The following DSCAM variants were observed in gnomAD, a reference collection of about 807,000 sequenced individuals.
DSCAM encodes the protein cell adhesion molecule DSCAM.
Under a neutral mutation model 217.7 loss-of-function variants are expected in DSCAM, and 47 were observed. The ratio of observed to expected loss-of-function variants is 0.22; its 90% CI spans 0.17 to 0.28. The LOEUF (loss-of-function observed/expected upper bound fraction) is 0.28, where lower values mean the gene tolerates loss of function less well. DSCAM is among the 10% of genes least tolerant of loss of function. The probability of loss-of-function intolerance (pLI) is 1.00; values close to 1 mark genes in which losing one functional copy is unlikely to be tolerated. For synonymous variants in DSCAM, 1,056 were observed against 1,015.3 expected (o/e 1.04, Z -0.76); for missense variants, 2,080 against 2,618.3 (o/e 0.79, Z 4.49).
intron 11 of DSCAM, among the ~76,000 whole-genome samples, chr21:40,203,557 G>C (rs1601437537): frequency 6.6e-6 from 1 of 152,232 alleles, no homozygotes; most frequent in Non-Finnish European, 1.5e-5. Flanking sequence ...AGCTAACTTT[G>C]AGGTTTTTTG....
At chr21:40,556,772 C>T (rs921173172) in intron 3 of DSCAM, among the ~76,000 whole-genome samples, 1 of 152,156 alleles carries the variant, frequency 6.6e-6, no homozygotes, top group Non-Finnish European at 1.5e-5. Flanking sequence ...TGGATCCACC[C>T]CCATGACGCA....
intron 30 of DSCAM, 149 bp from the exon 31 acceptor site, chr21:40,044,424 A>G (rs183185946): frequency 2.2e-5 from 16 of 729,240 alleles, no homozygotes; most frequent in Non-Finnish European, 3.6e-5. Context: ...TGCAGAGGAT[A>G]CTTTCCCTTT....
chr21:40,783,244 G>C (rs1029230243), intron 1 of DSCAM, among the ~76,000 whole-genome samples: 4 of 152,140 alleles, frequency 2.6e-5, no homozygotes, highest in Non-Finnish European at 5.9e-5. Context: ...TTACCCTAAG[G>C]CTGGCACTGA....
chr21:40,280,573 C>A (rs917299384), intron 10 of DSCAM, among the ~76,000 whole-genome samples: 4 of 152,058 alleles, frequency 2.6e-5, no homozygotes, highest in Non-Finnish European at 5.9e-5. Flanking sequence ...TACTAGTTTA[C>A]TTATTGGGAT....
At chr21:40,028,432 G>GC (rs1194548263) in intron 32 of DSCAM, among the ~76,000 whole-genome samples, 5 of 151,524 alleles carry the variant, frequency 3.3e-5, no homozygotes, top group African/African-American at 7.3e-5. Flanking sequence ...GCAATGGCGG[G>GC]CCCCCCTCCC....
chr21:40,508,734 AATATATATATATATATAT>A (rs760072956), intron 3 of DSCAM, among the ~76,000 whole-genome samples: 32 of 45,850 alleles, frequency 7.0e-4, no homozygotes, highest in East Asian at 6.2e-3. Context: ...ACACCCGGCA[AATATATATATATATATAT>A]ATATATATAT....
At chr21:40,308,701 C>G (rs1175581622) in intron 9 of DSCAM, among the ~76,000 whole-genome samples, 2 of 152,168 alleles carry the variant, frequency 1.3e-5, no homozygotes, top group African/African-American at 2.4e-5. Context: ...GAATTTGGAA[C>G]TGACTTCATG....
chr21:40,525,622 C>G (rs186246452), intron 3 of DSCAM, among the ~76,000 whole-genome samples: 1 of 152,174 alleles, frequency 6.6e-6, no homozygotes, highest in Non-Finnish European at 1.5e-5. Context: ...CATCAAGAAG[C>G]CTTCTGTGCA....
chr21:40,526,353 C>A (rs75044728), intron 3 of DSCAM, among the ~76,000 whole-genome samples: 1 of 152,130 alleles, frequency 6.6e-6, no homozygotes, highest in African/African-American at 2.4e-5. Flanking sequence ...CAAGGCCAAG[C>A]CTTTCAGGGA....
At chr21:40,796,891 G>A (rs1484260899) in intron 1 of DSCAM, among the ~76,000 whole-genome samples, 2 of 152,162 alleles carry the variant, frequency 1.3e-5, no homozygotes, top group East Asian at 1.9e-4. Flanking sequence ...AGATTGGAAA[G>A]ACAAGAGTAT....
intron 3 of DSCAM, among the ~76,000 whole-genome samples, chr21:40,597,065 T>A (rs1276817749): frequency 6.6e-6 from 1 of 152,228 alleles, no homozygotes; most frequent in Non-Finnish European, 1.5e-5. Context: ...ATATTTTTGC[T>A]AGTTAATTTT....
At chr21:40,294,091 T>G (rs2073927028) in intron 10 of DSCAM, among the ~76,000 whole-genome samples, 1 of 152,246 alleles carries the variant, frequency 6.6e-6, no homozygotes, top group South Asian at 2.1e-4. Flanking sequence ...TTCTAATTTT[T>G]TTCTTTGATG....
chr21:40,180,217 C>T (rs1175385507), intron 14 of DSCAM, among the ~76,000 whole-genome samples: 1 of 152,160 alleles, frequency 6.6e-6, no homozygotes, highest in Non-Finnish European at 1.5e-5. Context: ...GGAATGGGGC[C>T]AATCACTTTG....
At chr21:40,069,534 A>G (rs2089259061) in intron 27 of DSCAM, among the ~76,000 whole-genome samples, 2 of 152,192 alleles carry the variant, frequency 1.3e-5, no homozygotes, top group African/African-American at 4.8e-5. Context: ...TAAAAAAGAG[A>G]AATCTTGTTT....
At chr21:40,844,316 T>C (rs1052335969) in intron 1 of DSCAM, among the ~76,000 whole-genome samples, 3 of 152,190 alleles carry the variant, frequency 2.0e-5, no homozygotes, top group Non-Finnish European at 4.4e-5. Flanking sequence ...TTAAAGCTGA[T>C]TTCCCCTCCC....
intron 3 of DSCAM, among the ~76,000 whole-genome samples, chr21:40,657,657 C>T (rs564129678): frequency 2.0e-4 from 30 of 152,292 alleles, no homozygotes; most frequent in Admixed American, 6.5e-4. Flanking sequence ...AGAAATCTTC[C>T]ACAACGCGGC....
chr21:40,155,219 A>C (rs939369130), intron 16 of DSCAM, among the ~76,000 whole-genome samples: 3 of 152,200 alleles, frequency 2.0e-5, no homozygotes, highest in African/African-American at 7.2e-5. Context: ...CAAGGACCAC[A>C]CAAGGGCATT....
chr21:40,147,352 A>T (rs912810237), intron 16 of DSCAM, among the ~76,000 whole-genome samples: 1 of 152,240 alleles, frequency 6.6e-6, no homozygotes, highest in African/African-American at 2.4e-5. Context: ...TACAGGTAGA[A>T]AGGAGAAATC....
chr21:40,024,808 A>G lies in DSCAM; in HGVS notation c.5687-11422T>C, dbSNP rs1033483882. ...GGTTTTCTAGATACACAATCATGTC[A>G]TCTGCAAACAGGGACAATTTGACTT... On this transcript the variant is annotated intron_variant, in intron 32 of 32. Coordinates refer to ENST00000400454, the MANE Select transcript of DSCAM (RefSeq NM_001389.5). Among the ~76,000 whole-genome samples the G allele has an allele frequency of 7.7e-5, 6 of 77,686 alleles. 2 individuals carry two copies. Among genetic ancestry groups the G allele is most frequent in the Non-Finnish European group, 1.7e-4 (6 of 35,364 alleles). 51.0% of individuals were successfully genotyped at this position (77,686 alleles called of 152,430 possible).
Sources: gnomAD v4.1 joint callset for allele counts (sites outside exome capture counted in the v4.1 genomes callset) on GRCh38, gnomAD v4.1.1 for gene constraint, MANE v1.5 for transcripts, NCBI Gene and HGNC (gene_info 2026-07-23, HGNC 2026-07-21) for gene names.